The following EPHA3 variants were observed in gnomAD, a reference collection of about 807,000 sequenced individuals.
EPHA3 encodes the protein EPH receptor A3, also known as ephrin type-A receptor 3.
EPHA3 carries 42 observed loss-of-function variants against 107.1 expected under a neutral mutation model. The ratio of observed to expected loss-of-function variants is 0.39; its 90% CI spans 0.31 to 0.51. The LOEUF (loss-of-function observed/expected upper bound fraction) is 0.51, where lower values mean the gene tolerates loss of function less well. Among genes scored for constraint, EPHA3 ranks in the 20% least tolerant of loss-of-function variants. EPHA3 has a pLI of 0.78. For missense variants in EPHA3, 1,183 were observed against 1,211.2 expected (o/e 0.98, Z 0.35); for synonymous variants, 461 against 424.8 (o/e 1.09, Z -1.05).
At chr3:89,264,134 A>C (rs1705483632) in intron 3 of EPHA3, among the ~76,000 whole-genome samples, 1 of 152,174 alleles carries the variant, frequency 6.6e-6, no homozygotes, top group Admixed American at 6.5e-5. Flanking sequence ...CATCTGAATC[A>C]AGGATGGCCA....
At chr3:89,230,317 C>T (rs6419884) in intron 3 of EPHA3, among the ~76,000 whole-genome samples, 107,547 of 151,962 alleles carry the variant, frequency 0.71, 38,413 homozygotes, top group Middle Eastern at 0.85. Context: ...ATCTCCATCA[C>T]CACCAAACCA....
intron 15 of EPHA3, among the ~76,000 whole-genome samples, chr3:89,468,930 A>G (rs188998667): frequency 6.6e-4 from 100 of 152,322 alleles, no homozygotes; most frequent in Non-Finnish European, 1.2e-3. Flanking sequence ...TTTTCTTCCT[A>G]AGATGAGTAA....
chr3:89,219,960 G>C (rs547986987), intron 3 of EPHA3, among the ~76,000 whole-genome samples: 3 of 151,084 alleles, frequency 2.0e-5, no homozygotes, highest in Non-Finnish European at 3.0e-5. Flanking sequence ...CGCCCGCCTC[G>C]GCCTCCCAAA....
chr3:89,156,584 T>A (rs936653914), intron 2 of EPHA3, among the ~76,000 whole-genome samples: 3 of 152,054 alleles, frequency 2.0e-5, no homozygotes, highest in Non-Finnish European at 4.4e-5. Flanking sequence ...TTTATTCCAC[T>A]GTTAGGTAAA....
At chr3:89,471,454 C>T (rs554013818) in intron 15 of EPHA3, among the ~76,000 whole-genome samples, 3 of 152,252 alleles carry the variant, frequency 2.0e-5, no homozygotes, top group Non-Finnish European at 2.9e-5. Context: ...CCGCAACCTT[C>T]GCCTCCCAGG....
chr3:89,236,117 C>T (rs1432646945), intron 3 of EPHA3, among the ~76,000 whole-genome samples: 1 of 151,992 alleles, frequency 6.6e-6, no homozygotes, highest in Non-Finnish European at 1.5e-5. Context: ...GTGATTTTTA[C>T]ATCTTCCATC....
intron 3 of EPHA3, among the ~76,000 whole-genome samples, chr3:89,250,266 A>G (rs1204852429): frequency 6.6e-6 from 1 of 152,190 alleles, no homozygotes; most frequent in African/African-American, 2.4e-5. Context: ...TTATTTCTTG[A>G]GTGGAATCAT....
chr3:89,196,669 C>T (rs1204965979), intron 2 of EPHA3, among the ~76,000 whole-genome samples: 1 of 152,084 alleles, frequency 6.6e-6, no homozygotes, highest in Non-Finnish European at 1.5e-5. Flanking sequence ...CATCTATTTT[C>T]ACTAGTCATA....
intron 3 of EPHA3, among the ~76,000 whole-genome samples, chr3:89,281,903 T>C (rs1705957812): frequency 1.3e-5 from 2 of 152,162 alleles, no homozygotes; most frequent in Non-Finnish European, 2.9e-5. Context: ...TGTTAGAAAA[T>C]GGTAATATAG....
intron 2 of EPHA3, among the ~76,000 whole-genome samples, chr3:89,208,901 T>G (rs1706194115): frequency 6.6e-6 from 1 of 152,110 alleles, no homozygotes. Flanking sequence ...TGTAGTTTCC[T>G]GCAAGAAGTA....
chr3:89,259,566 T>C (rs1705367668), intron 3 of EPHA3, among the ~76,000 whole-genome samples: 1 of 152,194 alleles, frequency 6.6e-6, no homozygotes, highest in African/African-American at 2.4e-5. Context: ...GTAAATTGTA[T>C]TGTGTATATT....
At chr3:89,338,451 A>G (rs1707440782) in intron 3 of EPHA3, among the ~76,000 whole-genome samples, 1 of 152,164 alleles carries the variant, frequency 6.6e-6, no homozygotes, top group Non-Finnish European at 1.5e-5. Flanking sequence ...CCCATTTTCT[A>G]TTGCAAGGGC....
At chr3:89,348,430 T>G (rs1423335275) in intron 5 of EPHA3, among the ~76,000 whole-genome samples, 11 of 105,412 alleles carry the variant, frequency 1.0e-4, no homozygotes, top group Non-Finnish European at 2.0e-4. Flanking sequence ...TCTCTGATGG[T>G]AGTTTGTATT....
intron 13 of EPHA3, among the ~76,000 whole-genome samples, chr3:89,436,957 CTG>C (rs1187148078): frequency 6.6e-6 from 1 of 152,134 alleles, no homozygotes; most frequent in Non-Finnish European, 1.5e-5. Context: ...TTTCTTACTG[CTG>C]TGTTACGCAG....
intron 3 of EPHA3, among the ~76,000 whole-genome samples, chr3:89,226,757 G>T (rs1704511985): frequency 6.6e-6 from 1 of 151,980 alleles, no homozygotes; most frequent in Non-Finnish European, 1.5e-5. Context: ...GAATTACCTT[G>T]CTGTGACAGT....
chr3:89,429,931 T>C (rs1157032677), intron 12 of EPHA3, among the ~76,000 whole-genome samples: 1 of 152,016 alleles, frequency 6.6e-6, no homozygotes, highest in East Asian at 1.9e-4. Flanking sequence ...GCCTGGCTAG[T>C]TTTTGTATTT....
At chr3:89,351,613 G>C (rs1319961520) in intron 5 of EPHA3, among the ~76,000 whole-genome samples, 1 of 151,270 alleles carries the variant, frequency 6.6e-6, no homozygotes, top group Non-Finnish European at 1.5e-5. Context: ...GACCGGAGCT[G>C]TTCCTATTCG....
chr3:89,342,894 CAA>C (rs1707563944), intron 5 of EPHA3, among the ~76,000 whole-genome samples: 1 of 150,462 alleles, frequency 6.6e-6, no homozygotes, highest in African/African-American at 2.4e-5. Context: ...CACACACACA[CAA>C]ACATTGGAGC....
rs1309775529 is a variant in EPHA3 at position 89,450,299 on chromosome 3, G to T, written c.2619G>T (p.Gln873His). 6.2e-7 allele frequency: 1 copy of T among 1,614,042 alleles called. No individual in the cohort carries two copies. The highest frequency in any genetic ancestry group is 8.5e-7 in the Non-Finnish European group (1 of 1,179,968). Residue 873 changes from glutamine to histidine, a missense_variant, in exon 15 of 17, where the codon CAG becomes CAT. Coordinates refer to ENST00000336596, the MANE Select transcript of EPHA3 (RefSeq NM_005233.6). ...KDRNNRPKFEQIVSILDKLIR... is the reference protein window; with the variant it reads ...KDRNNRPKFEHIVSILDKLIR... ...GGAACAACAGACCCAAGTTTGAGCA[G>T]ATTGTTAGTATTCTGGACAAGCTTA...
Sources: allele counts gnomAD v4.1 joint callset (sites outside exome capture counted in the v4.1 genomes callset), GRCh38; gene constraint gnomAD v4.1.1; transcripts MANE v1.5; gene names NCBI Gene and HGNC (gene_info 2026-07-23, HGNC 2026-07-21).